The following NDRG4 variants were observed in gnomAD, a reference collection of about 807,000 sequenced individuals.
NDRG4 encodes the protein NDRG family member 4, also known as protein NDRG4.
Under a neutral mutation model 55.8 loss-of-function variants are expected in NDRG4, and 38 were observed. That is an observed-to-expected ratio of 0.68 (90% CI 0.53 to 0.89). The LOEUF (loss-of-function observed/expected upper bound fraction) is 0.89, where lower values mean the gene tolerates loss of function less well. Among genes scored for constraint, NDRG4 ranks in the 40% least tolerant of loss-of-function variants. The pLI, the probability that NDRG4 is intolerant of heterozygous loss-of-function variation, is 0.00. For synonymous variants in NDRG4, 190 were observed against 182.7 expected (o/e 1.04, Z -0.32); for missense variants, 455 against 468.6 (o/e 0.97, Z 0.27).
intron 2 of NDRG4, 23 bp downstream of exon 2, chr16:58,503,926 C>A (rs769713546): frequency 6.2e-7 from 1 of 1,611,940 alleles, no homozygotes; most frequent in East Asian, 2.2e-5. Context: ...CAGCCTCAGT[C>A]AGCCCTCCTC....
At chr16:58,504,834 T>A in intron 5 of NDRG4, 185 bp downstream of exon 5, 3 of 620,644 alleles carry the variant, frequency 4.8e-6, no homozygotes, top group Non-Finnish European at 8.5e-6. Context: ...TTAACTTTTT[T>A]AAAAAAGAGG....
intron 10 of NDRG4, 92 bp from the exon 11 acceptor site, chr16:58,508,868 CCT>C (rs2038397759): frequency 7.1e-7 from 1 of 1,411,314 alleles, no homozygotes; most frequent in East Asian, 2.4e-5. Flanking sequence ...CCCTGCACCC[CCT>C]CTCCTCCCCG....
At chr16:58,510,622 T>C (rs1411900554) in intron 13 of NDRG4, 23 bp from the exon 14 acceptor site, 2 of 1,530,346 alleles carry the variant, frequency 1.3e-6, no homozygotes, top group Non-Finnish European at 1.8e-6. Flanking sequence ...CCGCCCCCTC[T>C]CCGGCTCTGT....
intron 1 of NDRG4, chr16:58,472,217 CTG>C (rs1343186910): frequency 2.6e-5 from 4 of 152,254 alleles, no homozygotes; most frequent in Non-Finnish European, 5.9e-5. Context: ...AGTATTCACT[CTG>C]TGCTTGGCCT....
At chr16:58,496,662 G>A (rs1398390063), upstream of NDRG4, among the ~76,000 whole-genome samples, 9 of 152,052 alleles carry the variant, frequency 5.9e-5, no homozygotes, top group Admixed American at 5.9e-4. Context: ...TTTGTCTACC[G>A]CATTTTCAGG....
chr16:58,511,685 G>C lies in NDRG4; in HGVS notation c.*109G>C. 7.2e-7 allele frequency: 1 copy of C among 1,388,962 alleles called. No homozygotes were observed. The highest frequency in any genetic ancestry group is 1.0e-6 in the Non-Finnish European group (1 of 982,448). 86.0% of individuals were successfully genotyped at this position (1,388,962 alleles called of 1,614,324 possible). A position where few individuals can be genotyped will look rare whatever the true frequency, so the allele number is the denominator to read the frequency against. ...GTGAGGGCAAAGGGGAGGAAATGGG[G>C]TTCTGTTTGAAAAAAATGAGGGGAT... On this transcript the variant is annotated 3_prime_UTR_variant, in exon 15 of 15. Coordinates refer to ENST00000570248, the MANE Select transcript of NDRG4 (RefSeq NM_001242835.2).
At chr16:58,500,966 G>A in intron 1 of NDRG4, 1 of 1,235,298 alleles carries the variant, frequency 8.1e-7, no homozygotes, top group Non-Finnish European at 1.0e-6. Context: ...AGGAGGGGTT[G>A]CCTGCCTGCC....
chr16:58,504,856 A>G, intron 5 of NDRG4: 1 of 591,066 alleles, frequency 1.7e-6, no homozygotes, highest in Non-Finnish European at 3.0e-6. Context: ...TCCTTTCTCC[A>G]TATAGTTTTC....
In NDRG4 at chr16:58,464,943, G is replaced by A; in HGVS notation, c.-24+1146G>A. 8.5e-7 allele frequency: 1 copy of A among 1,182,420 alleles called. No homozygotes were observed. Among genetic ancestry groups the A allele is most frequent in the Non-Finnish European group, 1.1e-6 (1 of 938,192 alleles). 73.2% of individuals were successfully genotyped at this position (1,182,420 alleles called of 1,614,324 possible). ...AAGTGGCCTGGGAAGTGGGAAGCCA[G>A]ATTGGACCCTACTGACTGGGGACCC... On this transcript the variant is annotated intron_variant, in intron 1 of 15. Transcript: ENST00000258187. This position sits in a 1 kb window ranked among gnomAD's most constrained non-coding sequence, Gnocchi z 4.8.
downstream of NDRG4, among the ~76,000 whole-genome samples, chr16:58,514,616 C>T (rs925288036): frequency 2.6e-5 from 4 of 151,970 alleles, no homozygotes; most frequent in African/African-American, 9.7e-5. Flanking sequence ...GCAGCGTACG[C>T]CTGTAGTCCC....
intron 1 of NDRG4, among the ~76,000 whole-genome samples, chr16:58,486,679 C>T (rs2035115850): frequency 6.8e-6 from 1 of 146,216 alleles, no homozygotes; most frequent in Non-Finnish European, 1.5e-5. Flanking sequence ...CCTCTGTCTT[C>T]CTTCCCTCAC....
At chr16:58,469,533 G>C (rs1433271679) in intron 1 of NDRG4, among the ~76,000 whole-genome samples, 1 of 152,122 alleles carries the variant, frequency 6.6e-6, no homozygotes, top group Non-Finnish European at 1.5e-5. Context: ...AAAGGTGTTT[G>C]TTCAAGGATA....
intron 5 of NDRG4, chr16:58,506,133 C>CGTGTGTGTGTGTGTGTGT (rs113481456): frequency 0.03 from 16,011 of 535,350 alleles, 445 homozygotes; most frequent in Non-Finnish European, 0.035. Flanking sequence ...GTTGAAAGAG[C>CGTGTGTGTGTGTGTGTGT]GTGTGTGTGT....
chr16:58,505,123 G>A (rs1478027187), intron 5 of NDRG4, among the ~76,000 whole-genome samples: 5 of 152,304 alleles, frequency 3.3e-5, no homozygotes, highest in Admixed American at 2.6e-4. Flanking sequence ...GCCAAGGTGG[G>A]CAGATCACGA....
intron 1 of NDRG4, among the ~76,000 whole-genome samples, chr16:58,479,856 G>A (rs1448975353): frequency 6.6e-6 from 1 of 152,226 alleles, no homozygotes; most frequent in Non-Finnish European, 1.5e-5. Flanking sequence ...CAGTGAGGCA[G>A]AGCAGATGCT....
At position 58,504,256 on chromosome 16, in the gene NDRG4, C is replaced by T. The variant is rs377166077; in HGVS notation, c.230C>T (p.Ala77Val). The change falls in exon 3 of 15, where the codon GCG becomes GTG. Residue 77 changes from alanine (A) to valine (V), a missense_variant. By Grantham distance (64) the Ala-to-Val change is moderately conservative. Transcript: ENST00000570248. ...HVDAPGQQVG[A>V]SQFPQGYQFP... ...GATGCCCCTGGACAACAGGTGGGGG[C>T]GTCGCAGTTTCCTCAGGGGTAGGTA... 9.9e-6 allele frequency: 16 copies of T among 1,614,144 alleles called. No individual in the cohort carries two copies. Among genetic ancestry groups the T allele is most frequent in the African/African-American group, 1.3e-5 (1 of 75,038 alleles).
Position 58,464,822 on chromosome 16 carries a change from G to T in NDRG4, c.-24+1025G>T, listed in dbSNP as rs551469671. ...GAAAGGACCCGTGGGCTTCTGGCAG[G>T]ACCCGCGCCATGGACCTCTTATTTC... is the stretch of plus-strand genomic sequence containing the variant. On this transcript the variant is annotated intron_variant, in intron 1 of 15. Transcript: ENST00000258187. This position sits in a 1 kb window ranked among gnomAD's most constrained non-coding sequence, Gnocchi z 4.8. 8.0e-7 allele frequency: 1 copy of T among 1,256,348 alleles called. No individual in the cohort carries two copies. Among genetic ancestry groups the T allele is most frequent in the Non-Finnish European group, 1.0e-6 (1 of 995,166 alleles). 77.8% of individuals were successfully genotyped at this position (1,256,348 alleles called of 1,614,324 possible).
At chr16:58,471,392 G>T (rs1268313792) in intron 1 of NDRG4, among the ~76,000 whole-genome samples, 1 of 151,946 alleles carries the variant, frequency 6.6e-6, no homozygotes, top group Non-Finnish European at 1.5e-5. Context: ...CAGCACGGTG[G>T]GTTGGAGTCT....
At chr16:58,504,514 G>A in intron 4 of NDRG4, 75 bp from the exon 5 acceptor site, 6 of 1,611,144 alleles carry the variant, frequency 3.7e-6, no homozygotes, top group Non-Finnish European at 5.1e-6. Context: ...CAGGCTATGG[G>A]CAGGGCCTGC....
Sources: allele counts gnomAD v4.1 joint callset (sites outside exome capture counted in the v4.1 genomes callset), GRCh38; gene constraint gnomAD v4.1.1; non-coding constraint Gnocchi (gnomAD v3.1); transcripts MANE v1.5; gene names NCBI Gene and HGNC (gene_info 2026-07-23, HGNC 2026-07-21).